The following VSIG10L variants were observed in gnomAD, a reference collection of about 807,000 sequenced individuals.
VSIG10L encodes the protein V-set and immunoglobulin domain-containing protein 10-like.
Under a neutral mutation model 67.3 loss-of-function variants are expected in VSIG10L, and 63 were observed. That is an observed-to-expected ratio of 0.94 (90% CI 0.76 to 1.15). The LOEUF (loss-of-function observed/expected upper bound fraction) is 1.15. Among genes scored for constraint, VSIG10L ranks in the 50% most tolerant of loss-of-function variants. The pLI, the probability that VSIG10L is intolerant of heterozygous loss-of-function variation, is 0.00. For missense variants in VSIG10L, 1,050 were observed against 1,177.5 expected, an observed-to-expected ratio of 0.89 and a Z score of 1.58; for synonymous variants, 499 against 524.9, an observed-to-expected ratio of 0.95 and a Z score of 0.67.
Position 51,338,163 on chromosome 19 carries a change from C to G in VSIG10L, c.1775G>C (p.Arg592Pro), listed in dbSNP as rs34380065. The G allele has an allele frequency of 2.1e-5, 32 of 1,518,008 alleles. No homozygotes were observed. In the Admixed American group the frequency reaches 6.5e-4, roughly 31 times the overall value. The allele number at this position is 1,518,008 out of a possible 1,614,324, so 94.0% of individuals were successfully genotyped here. Residue 592 changes from arginine to proline, a missense_variant, in exon 6 of 10, where the codon CGG (arginine) becomes CCG (proline). Physicochemically the swap from Arg to Pro is moderately radical, Grantham distance 103 (BLOSUM62 -2). Around this residue, in one of 3 missense-constraint regions of VSIG10L, gnomAD observed 529 missense variants for 584.9 expected, o/e 0.90. Transcript: ENST00000335624. Reference sequence around the variant, plus strand: ...CAGTGCCACCTCTGCCTCCCCCAACCGTGTCTCTGCCACCAGCGGATGCAG... The same window carrying G: ...CAGTGCCACCTCTGCCTCCCCCAACGGTGTCTCTGCCACCAGCGGATGCAG... Reference protein sequence around the residue: ...VLLHPLVAETRLGEAEVALEA... With the variant: ...VLLHPLVAETPLGEAEVALEA...
At chr19:51,338,785 T>G in intron 5 of VSIG10L, 103 bp downstream of exon 5, 2 of 1,240,776 alleles carry the variant, frequency 1.6e-6, no homozygotes, top group South Asian at 2.8e-5. Flanking sequence ...GCCTCTTTCT[T>G]GGACTAAGGA....
rs1273155489 is a variant in VSIG10L at position 51,337,501 on chromosome 19, G to T, written c.2042C>A (p.Ala681Asp). 1.3e-6 allele frequency: 2 copies of T among 1,547,788 alleles called. No homozygotes were observed. Among genetic ancestry groups the T allele is most frequent in the Middle Eastern group, 1.7e-4 (1 of 5,980 alleles). The change falls in exon 7 of 10, where the codon GCC becomes GAC. Residue 681 changes from alanine (A) to aspartate (D), a missense_variant. This residue lies in a region of VSIG10L where 529 missense variants were observed against 584.9 expected (regional missense o/e 0.90). Coordinates refer to ENST00000335624, the MANE Select transcript of VSIG10L (RefSeq NM_001163922.3). ...CCAAGTCAGCACGGCTGCATCTCTGGCTCTCTGAAGCCTCCACGAGGATAT... is the reference window on the plus strand; with the variant it reads ...CCAAGTCAGCACGGCTGCATCTCTGTCTCTCTGAAGCCTCCACGAGGATAT... ...PSISSWRLQR[A>D]RDAAVLTWDV... is the part of the protein sequence containing the mutation.
Position 51,337,303 on chromosome 19 carries a change from A to G in VSIG10L, c.2240T>C (p.Phe747Ser). The G allele has an allele frequency of 6.4e-7, 1 of 1,551,414 alleles. No individual in the cohort carries two copies. Among genetic ancestry groups the G allele is most frequent in the South Asian group, 1.2e-5 (1 of 84,044 alleles). The change falls in exon 7 of 10, where the codon TTT (phenylalanine) becomes TCT (serine). Residue 747 changes from phenylalanine to serine, a missense_variant. This residue lies in a region of VSIG10L where 529 missense variants were observed against 584.9 expected (regional missense o/e 0.90). Transcript: ENST00000335624. ...LPPRNPGTWT[F>S]RILPILGGQP... ...GCCCCCCAGGATGGGCAGGATCCGAAAGGTCCAGGTCCCTGGGTTCCGAGG... is the reference window on the plus strand; with the variant it reads ...GCCCCCCAGGATGGGCAGGATCCGAGAGGTCCAGGTCCCTGGGTTCCGAGG...
rs1985561588 is a variant in VSIG10L, at chr19:51,339,139, AGGTC to A, written c.1475-1_1477del. 7.7e-7 allele frequency: 1 copy of A among 1,293,690 alleles called. No individual in the cohort carries two copies. Among genetic ancestry groups the A allele is most frequent in the East Asian group, 3.1e-5 (1 of 31,808 alleles). 80.1% of individuals were successfully genotyped at this position (1,293,690 alleles called of 1,614,324 possible). ...TGAGCACTGTGGGGCCCCGGGGGGC[AGGTC>A]TGCGGAGAGAAGGGAGAGAATGAAG... is the stretch of plus-strand genomic sequence containing the variant. On this transcript the variant is annotated splice_acceptor_variant and coding_sequence_variant, in exon 5 of 10. Coordinates refer to ENST00000335624, the MANE Select transcript of VSIG10L (RefSeq NM_001163922.3). LOFTEE classifies it high-confidence loss of function.
Position 51,340,250 on chromosome 19 carries a change from C to T in VSIG10L, c.1239G>A (p.Ala413=). The T allele has an allele frequency of 1.3e-6, 2 of 1,513,490 alleles. No individual in the cohort carries two copies. The highest frequency in any genetic ancestry group is 2.4e-5 in the South Asian group (2 of 82,528). The allele number at this position is 1,513,490 out of a possible 1,614,324, so 93.8% of individuals were successfully genotyped here. ...TGCCCGCGGTGACAAAGCGGGCAGGCGCGGCGTCGCGGTCCGAGGAGACCG... is the reference window on the plus strand; with the variant it reads ...TGCCCGCGGTGACAAAGCGGGCAGGTGCGGCGTCGCGGTCCGAGGAGACCG... ...TITVSSDRDA[A]PARFVTAGSN... Residue 413 remains alanine (A), a synonymous_variant, in exon 4 of 10, where the codon GCG becomes GCA. Coordinates refer to ENST00000335624, the MANE Select transcript of VSIG10L (RefSeq NM_001163922.3). The surrounding 1 kb of genome is among the most constrained non-coding windows in gnomAD (Gnocchi z 6.3).
At chr19:51,334,112 A>C (rs1040931267) in intron 8 of VSIG10L, 79 bp downstream of exon 8, 49 of 1,496,762 alleles carry the variant, frequency 3.3e-5, no homozygotes, top group Non-Finnish European at 4.2e-5. Context: ...TGATTGCCTC[A>C]GCCAGGTCTT....
At position 51,340,457 on chromosome 19, in the gene VSIG10L, C is replaced by A. The variant is rs938863207; in HGVS notation, c.1165G>T (p.Ala389Ser). Residue 389 changes from alanine (A) to serine (S), a missense_variant, in exon 3 of 10, where the codon GCT becomes TCT. Ala to Ser is a moderately conservative substitution (Grantham distance 99). Transcript: ENST00000335624. This position sits in a 1 kb window ranked among gnomAD's most constrained non-coding sequence, Gnocchi z 6.3. ...CAGAAGACGCTGACGTCGGCGGCAG[C>A]CTCCCTGTGGCCGAAGGGGCTGCGG... ...RVRSPFGHRE[A>S]AADVSVFYGP... The A allele has an allele frequency of 1.3e-6, 2 of 1,495,790 alleles. No individual in the cohort carries two copies. The highest frequency in any genetic ancestry group is 1.8e-6 in the Non-Finnish European group (2 of 1,121,434). The allele number at this position is 1,495,790 out of a possible 1,614,324, so 92.7% of individuals were successfully genotyped here.
Position 51,337,494 on chromosome 19 carries a change from A to C in VSIG10L, c.2049T>G (p.Asp683Glu). The stretch of plus-strand genomic sequence containing the variant: ...CCACATCCCAAGTCAGCACGGCTGC[A>C]TCTCTGGCTCTCTGAAGCCTCCACG... Reference protein sequence around the residue: ...ISSWRLQRARDAAVLTWDVER... With the variant: ...ISSWRLQRAREAAVLTWDVER... The change falls in exon 7 of 10, where the codon GAT becomes GAG. Residue 683 changes from aspartate (D) to glutamate (E), a missense_variant. This residue lies in a region of VSIG10L where 529 missense variants were observed against 584.9 expected (regional missense o/e 0.90). Transcript: ENST00000335624. 6 of 1,548,498 alleles carry C rather than the reference A, an allele frequency of 3.9e-6. No individual in the cohort carries two copies. Among genetic ancestry groups the C allele is most frequent in the Non-Finnish European group, 5.2e-6 (6 of 1,144,738 alleles).
At chr19:51,339,958 T>C (rs894832620) in intron 4 of VSIG10L, 57 bp downstream of exon 4, 20 of 890,980 alleles carry the variant, frequency 2.2e-5, no homozygotes, top group East Asian at 1.8e-4. Context: ...AGCCCCGCCC[T>C]CGTTCTGGCC....
At position 51,341,777 on chromosome 19, in the gene VSIG10L, C is replaced by G. The variant is rs763069926; in HGVS notation, c.271G>C (p.Gly91Arg). ...GCAGAAACATTTGACCAGAAGGACC[C>G]AGACATGTTGGAACTCAGGGCCTCA... ...FPEALSSNMSGSFWSNVSAEG... is the reference protein window; with the variant it reads ...FPEALSSNMSRSFWSNVSAEG... Residue 91 changes from glycine to arginine, a missense_variant, in exon 2 of 10, where the codon GGG becomes CGG. This residue lies in a region of VSIG10L where 511 missense variants were observed against 557.9 expected (regional missense o/e 0.92). Coordinates refer to ENST00000335624, the MANE Select transcript of VSIG10L (RefSeq NM_001163922.3). 6.4e-7 allele frequency: 1 copy of G among 1,551,574 alleles called. No homozygotes were observed. The highest frequency in any genetic ancestry group is 8.7e-7 in the Non-Finnish European group (1 of 1,146,978).
In VSIG10L at chr19:51,340,008, C is replaced by A; in HGVS notation, c.1474+7G>T. Reference sequence around the variant, plus strand: ...GGCATTCCCCTACTCCCGCTCCAGCCTCTCACCCGCCACTGTAAGGTTGAG... The same window carrying A: ...GGCATTCCCCTACTCCCGCTCCAGCATCTCACCCGCCACTGTAAGGTTGAG... On this transcript the variant is annotated splice_region_variant and intron_variant, in intron 4 of 9. Coordinates refer to ENST00000335624, the MANE Select transcript of VSIG10L (RefSeq NM_001163922.3). The surrounding 1 kb of genome is among the most constrained non-coding windows in gnomAD (Gnocchi z 6.3). 1 of 1,392,900 alleles carries A rather than the reference C, an allele frequency of 7.2e-7. No individual in the cohort carries two copies. The highest frequency in any genetic ancestry group is 9.3e-7 in the Non-Finnish European group (1 of 1,077,660). 86.3% of individuals were successfully genotyped at this position (1,392,900 alleles called of 1,614,324 possible).
chr19:51,333,654 A>T (rs1985409133), intron 9 of VSIG10L, 137 bp downstream of exon 9: 3 of 1,067,804 alleles, frequency 2.8e-6, no homozygotes, highest in South Asian at 4.5e-5. Flanking sequence ...ATGCATTTTT[A>T]AAAAGGATAA....
intron 4 of VSIG10L, 165 bp downstream of exon 4, chr19:51,339,850 C>T (rs908601360): frequency 1.1e-6 from 1 of 901,202 alleles, no homozygotes; most frequent in Non-Finnish European, 1.5e-6. Context: ...CGCCCCACCA[C>T]GGGTATCCCA....
At chr19:51,341,095 G>A in intron 2 of VSIG10L, 58 bp downstream of exon 2, 2 of 1,453,972 alleles carry the variant, frequency 1.4e-6, no homozygotes, top group Non-Finnish European at 1.8e-6. Flanking sequence ...CTTGCCCAAA[G>A]CCTGGCAGAG....
rs780182533 is a variant in VSIG10L at position 51,334,219 on chromosome 19, AAGG to A, written c.2388_2390del (p.Leu797del). 18 of 1,551,696 alleles carry A rather than the reference AAGG, an allele frequency of 1.2e-5. No homozygotes were observed. Among genetic ancestry groups the A allele is most frequent in the East Asian group, 4.9e-5 (2 of 40,942 alleles). On this transcript the variant is annotated inframe_deletion, in exon 8 of 10. Coordinates refer to ENST00000335624, the MANE Select transcript of VSIG10L (RefSeq NM_001163922.3). ...GAAAGCGGCACAGGCAGCAGATGCA[AAGG>A]AGGAGAAGTACGGCTAGCAGCGCCA... is the stretch of plus-strand genomic sequence containing the variant.
rs2123552753 is a variant in VSIG10L at position 51,337,255 on chromosome 19, C to G, written c.2288G>C (p.Ser763Thr). ...LGGQPGTPSQ[S>T]RVYRAGPTLS... is the part of the protein sequence containing the mutation. ...CAACTCACCGGCCCGGTAGACCCGG[C>G]TTTGTGATGGAGTCCCTGGCTGGCC... The change falls in exon 7 of 10, where the codon AGC becomes ACC. Residue 763 changes from serine to threonine, a missense_variant. Physicochemically the swap from Ser to Thr is moderately conservative, Grantham distance 58. Around this residue, in one of 3 missense-constraint regions of VSIG10L, gnomAD observed 529 missense variants for 584.9 expected, o/e 0.90. Transcript: ENST00000335624. 1.3e-6 allele frequency: 2 copies of G among 1,548,732 alleles called. No individual in the cohort carries two copies. Among genetic ancestry groups the G allele is most frequent in the East Asian group, 2.4e-5 (1 of 40,832 alleles).
At position 51,338,146 on chromosome 19, in the gene VSIG10L, C is replaced by T. The variant is rs1254147571; in HGVS notation, c.1792G>A (p.Val598Met). Residue 598 changes from valine to methionine, a missense_variant, in exon 6 of 10, where the codon GTG becomes ATG. Physicochemically the swap from Val to Met is conservative, Grantham distance 21. This residue lies in a region of VSIG10L where 529 missense variants were observed against 584.9 expected (regional missense o/e 0.90). Coordinates refer to ENST00000335624, the MANE Select transcript of VSIG10L (RefSeq NM_001163922.3). ...GGACAACCAGAGGCCTCCAGTGCCA[C>T]CTCTGCCTCCCCCAACCGTGTCTCT... is the stretch of plus-strand genomic sequence containing the variant. ...VAETRLGEAE[V>M]ALEASGCPPP... The T allele has an allele frequency of 2.0e-6, 3 of 1,537,578 alleles. No homozygotes were observed. The highest frequency in any genetic ancestry group is 2.6e-6 in the Non-Finnish European group (3 of 1,139,424).
intron 4 of VSIG10L, chr19:51,339,580 C>T: frequency 4.7e-6 from 1 of 211,666 alleles, no homozygotes; most frequent in Non-Finnish European, 9.3e-6. Context: ...CTGGTGACTC[C>T]GCCCCCCTTG....
rs1407457356 is a variant in VSIG10L, at chr19:51,341,221, A to C, written c.827T>G (p.Val276Gly). The change falls in exon 2 of 10, where the codon GTC becomes GGC. Residue 276 changes from valine (V) to glycine (G), a missense_variant. Val to Gly is a moderately radical substitution (Grantham distance 109, BLOSUM62 -3). This residue lies in a region of VSIG10L where 511 missense variants were observed against 557.9 expected (regional missense o/e 0.92). Transcript: ENST00000335624. ...LASAQLDDAG[V>G]YTAEVIRAGV... The stretch of plus-strand genomic sequence containing the variant: ...TGCCCGGATGACCTCAGCCGTGTAG[A>C]CCCCTGCATCGTCCAGCTGGGCAGA... The C allele has an allele frequency of 1.9e-6, 3 of 1,549,394 alleles. No individual in the cohort carries two copies. The highest frequency in any genetic ancestry group is 1.4e-5 in the African/African-American group (1 of 72,494).
Sources: gnomAD v4.1 joint callset for allele counts on GRCh38, gnomAD v4.1.1 for gene constraint, gnomAD v4.1.1 regional missense constraint, Gnocchi (gnomAD v3.1) non-coding constraint, MANE v1.5 for transcripts, NCBI Gene and HGNC (gene_info 2026-07-23, HGNC 2026-07-21) for gene names.